SNTG1: variants seen among roughly 807,000 people sequenced by gnomAD.
SNTG1 encodes the protein syntrophin gamma 1, also known as gamma-1-syntrophin.
In SNTG1, 39 loss-of-function variants were observed where a neutral mutation model predicts 74.7. The observed-to-expected ratio is 0.52, with a 90% CI of 0.40 to 0.68. The LOEUF is 0.68. SNTG1 is among the 30% of genes least tolerant of loss of function. SNTG1 has a pLI of 0.00. For synonymous variants in SNTG1, 254 were observed against 217.1 expected (o/e 1.17, Z -1.49); for missense variants, 685 against 609.5 (o/e 1.12, Z -1.30).
At chr8:50,020,062 G>T (rs866861988) in intron 1 of SNTG1, among the ~76,000 whole-genome samples, 9 of 152,212 alleles carry the variant, frequency 5.9e-5, no homozygotes, top group Middle Eastern at 3.4e-3. Context: ...TGAGCCTTTT[G>T]TGCCACTATA....
At chr8:50,019,351 T>C (rs1816619938) in intron 1 of SNTG1, among the ~76,000 whole-genome samples, 1 of 152,044 alleles carries the variant, frequency 6.6e-6, no homozygotes, top group African/African-American at 2.4e-5. Context: ...GGGACAGACT[T>C]ATAAACAGAA....
intron 11 of SNTG1, among the ~76,000 whole-genome samples, chr8:50,545,964 A>G (rs1220974798): frequency 6.6e-6 from 1 of 152,162 alleles, no homozygotes; most frequent in Non-Finnish European, 1.5e-5. Context: ...ATGGTTGTTC[A>G]TTGAAGGAGG....
At chr8:50,012,392 A>G (rs1286983723) in intron 1 of SNTG1, among the ~76,000 whole-genome samples, 3 of 152,184 alleles carry the variant, frequency 2.0e-5, no homozygotes, top group Non-Finnish European at 4.4e-5. Context: ...ATGTGACCAC[A>G]AAAAGGGTGA....
chr8:50,477,598 G>T (rs1423340262), intron 8 of SNTG1, among the ~76,000 whole-genome samples: 2 of 152,050 alleles, frequency 1.3e-5, no homozygotes, highest in African/African-American at 4.8e-5. Context: ...CTAGAATAAA[G>T]ACATTAGGGG....
chr8:50,659,776 C>T (rs1342976972), intron 15 of SNTG1, among the ~76,000 whole-genome samples: 1 of 152,134 alleles, frequency 6.6e-6, no homozygotes, highest in Non-Finnish European at 1.5e-5. Flanking sequence ...AGGCTAGTAT[C>T]TGAGGAAAAG....
chr8:50,540,839 TATCC>T (rs1336736975), intron 11 of SNTG1, among the ~76,000 whole-genome samples: 1 of 152,084 alleles, frequency 6.6e-6, no homozygotes, highest in African/African-American at 2.4e-5. Context: ...TATATTCTTC[TATCC>T]TATTCTTTAA....
At chr8:50,764,621 G>T (rs1422249658) in intron 18 of SNTG1, among the ~76,000 whole-genome samples, 7 of 151,852 alleles carry the variant, frequency 4.6e-5, no homozygotes, top group African/African-American at 1.7e-4. Flanking sequence ...AAAGGTGAAA[G>T]ATAAGTGTTG....
chr8:50,503,661 C>G (rs978251381), intron 9 of SNTG1, among the ~76,000 whole-genome samples: 1 of 151,918 alleles, frequency 6.6e-6, no homozygotes, highest in Admixed American at 6.6e-5. Flanking sequence ...GAATAATTTC[C>G]TTCAGATTCA....
chr8:50,671,355 CA>C lies in SNTG1; in HGVS notation c.1038+12695del, dbSNP rs551649948. On this transcript the variant is annotated intron_variant, in intron 15 of 18. Coordinates refer to ENST00000642720, the MANE Select transcript of SNTG1 (RefSeq NM_018967.5). ...CTCAAACAAATTTACAAGAAAAAAA[CA>C]AACAACCCCATCAAAAAGTGGGCGA... Among the ~76,000 whole-genome samples the C allele has an allele frequency of 8.8e-3, 1,337 of 151,742 alleles. 7 individuals are homozygous for C. Among genetic ancestry groups the C allele is most frequent in the Middle Eastern group, 0.017 (5 of 294 alleles).
At chr8:50,048,333 T>A (rs1282239575) in intron 1 of SNTG1, among the ~76,000 whole-genome samples, 1 of 152,040 alleles carries the variant, frequency 6.6e-6, no homozygotes. Context: ...CACAGTAAAA[T>A]AGTTGTATAT....
At chr8:50,264,967 A>G (rs1586892197) in intron 2 of SNTG1, among the ~76,000 whole-genome samples, 1 of 152,154 alleles carries the variant, frequency 6.6e-6, no homozygotes, top group Non-Finnish European at 1.5e-5. Flanking sequence ...TATAAATAAT[A>G]AAGAGTTGAA....
chr8:50,528,337 A>G (rs1037324563), intron 9 of SNTG1, among the ~76,000 whole-genome samples: 2 of 151,918 alleles, frequency 1.3e-5, no homozygotes, highest in African/African-American at 4.8e-5. Flanking sequence ...AAAGTTTTTA[A>G]TTTGCTTTTT....
intron 1 of SNTG1, among the ~76,000 whole-genome samples, chr8:49,960,052 C>T (rs1215720752): frequency 1.3e-5 from 2 of 152,122 alleles, no homozygotes; most frequent in African/African-American, 2.4e-5. Flanking sequence ...ATTCTTTTAC[C>T]GTGCATTGTA....
intron 18 of SNTG1, among the ~76,000 whole-genome samples, chr8:50,787,356 T>C (rs1371424866): frequency 6.6e-6 from 1 of 151,736 alleles, no homozygotes; most frequent in Non-Finnish European, 1.5e-5. Context: ...TAATGATTAG[T>C]GAGGATGTAG....
chr8:50,526,309 T>G (rs1225081035), intron 9 of SNTG1, among the ~76,000 whole-genome samples: 1 of 152,144 alleles, frequency 6.6e-6, no homozygotes, highest in African/African-American at 2.4e-5. Context: ...TTGCTTTTCT[T>G]CCACTCTAGA....
At chr8:50,462,794 CT>C (rs1421854598) in intron 8 of SNTG1, among the ~76,000 whole-genome samples, 1 of 43,628 alleles carries the variant, frequency 2.3e-5, no homozygotes, top group Non-Finnish European at 4.7e-5. Context: ...TCAGGTTCTA[CT>C]CTTTTTTTTT....
intron 1 of SNTG1, among the ~76,000 whole-genome samples, chr8:50,113,836 C>A (rs1372114150): frequency 6.6e-6 from 1 of 151,994 alleles, no homozygotes; most frequent in African/African-American, 2.4e-5. Context: ...GTGCAGCACA[C>A]CAACATGGCA....
intron 17 of SNTG1, chr8:50,747,727 C>CT (rs1460845759): frequency 6.6e-6 from 1 of 151,546 alleles, no homozygotes; most frequent in African/African-American, 2.4e-5. Context: ...TCGTTCCTTC[C>CT]TTCTTTCTTT....
Position 50,526,603 on chromosome 8 carries a change from ATGTG to A in SNTG1, c.467-3558_467-3555del, listed in dbSNP as rs143910529. On this transcript the variant is annotated intron_variant, in intron 9 of 18. Transcript: ENST00000642720. ...GAACTTCATCAAAGTCAGCATATAT[ATGTG>A]TGTGTGTGTGTGTGTATACACAAAC... 6.0e-5 allele frequency among the ~76,000 whole-genome samples: 9 copies of A among 149,556 alleles called. 1 individual carries two copies. The highest frequency in any genetic ancestry group is 4.2e-4 in the South Asian group (2 of 4,710).
Sources: gnomAD v4.1 joint callset for allele counts (sites outside exome capture counted in the v4.1 genomes callset) on GRCh38, gnomAD v4.1.1 for gene constraint, MANE v1.5 for transcripts, NCBI Gene and HGNC (gene_info 2026-07-23, HGNC 2026-07-21) for gene names.